Variants in ATR observed in about 807,000 individuals in gnomAD.
ATR encodes the protein serine/threonine-protein kinase ATR.
Under a neutral mutation model 305.3 loss-of-function variants are expected in ATR, and 142 were observed. The ratio of observed to expected loss-of-function variants is 0.47; its 90% CI spans 0.41 to 0.53. ATR has a LOEUF of 0.53. Among genes scored for constraint, ATR ranks in the 20% least tolerant of loss-of-function variants. ATR has a pLI of 0.00. For missense variants in ATR, 2,135 were observed against 3,133.1 expected (o/e 0.68, Z 7.60); for synonymous variants, 1,050 against 1,068.1 (o/e 0.98, Z 0.33).
intron 1 of ATR, among the ~76,000 whole-genome samples, chr3:142,569,053 TGAAGCCTG>T (rs2035173615): frequency 1.3e-5 from 2 of 152,174 alleles, no homozygotes; most frequent in Admixed American, 1.3e-4. Context: ...AGGAACAGCT[TGAAGCCTG>T]GAAGCCTGGC....
At chr3:142,500,955 G>C (rs974425729) in intron 30 of ATR, among the ~76,000 whole-genome samples, 1 of 152,094 alleles carries the variant, frequency 6.6e-6, no homozygotes, top group Non-Finnish European at 1.5e-5. Flanking sequence ...AAGACTTATA[G>C]CAAAAAGTAC....
chr3:142,555,583 A>G (rs906968397), intron 10 of ATR, among the ~76,000 whole-genome samples: 3 of 152,116 alleles, frequency 2.0e-5, no homozygotes, highest in Admixed American at 2.0e-4. Context: ...TGGTATCACT[A>G]AAGAAGATAA....
intron 36 of ATR, among the ~76,000 whole-genome samples, chr3:142,480,385 G>A (rs1488532711): frequency 1.3e-5 from 2 of 152,238 alleles, no homozygotes; most frequent in Admixed American, 6.5e-5. Context: ...ATCAGCAGCG[G>A]AGGCTGCAGA....
At chr3:142,507,787 A>G in intron 28 of ATR, 144 bp downstream of exon 28, 1 of 767,172 alleles carries the variant, frequency 1.3e-6, no homozygotes, top group Non-Finnish European at 2.1e-6. Context: ...TTAAAATATT[A>G]TACCAAATTG....
At chr3:142,517,260 G>A (rs1044141337) in intron 24 of ATR, among the ~76,000 whole-genome samples, 2 of 151,166 alleles carry the variant, frequency 1.3e-5, no homozygotes, top group African/African-American at 4.9e-5. Flanking sequence ...ATTTTGAACT[G>A]CAGTTGTTCT....
intron 24 of ATR, among the ~76,000 whole-genome samples, chr3:142,516,208 A>G (rs2032854548): frequency 6.6e-6 from 1 of 152,054 alleles, no homozygotes; most frequent in African/African-American, 2.4e-5. Flanking sequence ...GCCTCTTTCC[A>G]CAACCATCTT....
rs758671096 is a variant in ATR, at chr3:142,459,377, T to C, written c.7199A>G (p.Tyr2400Cys). 2 of 1,613,854 alleles carry C rather than the reference T, an allele frequency of 1.2e-6. No homozygotes were observed. The highest frequency in any genetic ancestry group is 1.7e-6 in the Non-Finnish European group (2 of 1,179,808). The change falls in exon 43 of 47, where the codon TAT becomes TGT. Residue 2400 changes from tyrosine (Y) to cysteine (C), a missense_variant. Around this residue, in one of 9 missense-constraint regions of ATR, gnomAD observed 462 missense variants for 887.6 expected, o/e 0.52. Transcript: ENST00000350721. ...LTKLYKEKGV[Y>C]MTGKELRQCM... ...CTGGCGAAGTTCTTTTCCTGTCATA[T>C]ACACTCCTGCAAGGAAGAGTGATAT... is the stretch of plus-strand genomic sequence containing the variant.
Position 142,492,067 on chromosome 3 carries a change from G to A in ATR, c.6078+1065C>T, listed in dbSNP as rs532259962. On this transcript the variant is annotated intron_variant, in intron 35 of 46. Coordinates refer to ENST00000350721, the MANE Select transcript of ATR (RefSeq NM_001184.4). ...ATTTTGTTGTCTTGCTTTAAAGAGTGTTAGGCTTTGATCTGGCAGGCAGTA... is the reference window on the plus strand; with the variant it reads ...ATTTTGTTGTCTTGCTTTAAAGAGTATTAGGCTTTGATCTGGCAGGCAGTA... 2.4e-4 allele frequency among the ~76,000 whole-genome samples: 36 copies of A among 152,280 alleles called. No individual in the cohort carries two copies. The South Asian group carries it at 6.4e-3, about 27-fold the overall frequency.
intron 46 of ATR, chr3:142,452,278 G>A (rs2070808823): frequency 1.0e-6 from 1 of 992,260 alleles, no homozygotes; most frequent in African/African-American, 1.7e-5. Flanking sequence ...CATATAGTTG[G>A]TATAATTCAT....
intron 17 of ATR, among the ~76,000 whole-genome samples, chr3:142,541,339 T>C (rs1366938058): frequency 6.6e-6 from 1 of 152,200 alleles, no homozygotes; most frequent in African/African-American, 2.4e-5. Flanking sequence ...ATAATGCATA[T>C]TGTTTAATTT....
At chr3:142,479,140 C>A (rs2030206666) in intron 36 of ATR, among the ~76,000 whole-genome samples, 1 of 151,994 alleles carries the variant, frequency 6.6e-6, no homozygotes, top group East Asian at 1.9e-4. Context: ...ATGATGTTAG[C>A]TGGTTATTTT....
At chr3:142,578,585 G>C (rs1364906804) in intron 1 of ATR, 61 bp downstream of exon 1, 8 of 1,561,430 alleles carry the variant, frequency 5.1e-6, no homozygotes, top group Non-Finnish European at 7.0e-6. Context: ...GGGAGAGCAC[G>C]TGAAACCCAA....
rs770470425 is a variant in ATR, at chr3:142,553,760, T to C, written c.2533-20A>G. The C allele has an allele frequency of 1.9e-6, 3 of 1,610,454 alleles. No individual in the cohort carries two copies. The highest frequency in any genetic ancestry group is 1.7e-6 in the Non-Finnish European group (2 of 1,176,870). On this transcript the variant is annotated intron_variant, in intron 11 of 46. Coordinates refer to ENST00000350721, the MANE Select transcript of ATR (RefSeq NM_001184.4). Reference sequence around the variant, plus strand: ...AAAAAGCTAGAACAATAAAATTAACTGGTTAAAGAAATTTTTAGAGCTAGG... The same window carrying C: ...AAAAAGCTAGAACAATAAAATTAACCGGTTAAAGAAATTTTTAGAGCTAGG...
At position 142,515,437 on chromosome 3, in the gene ATR, A is replaced by C; in HGVS notation, c.4461T>G (p.Phe1487Leu). ...PIYLSKLGSN[F>L]AEWSASWAGY... ...CTGCCCAAGATGCTGACCATTCTGC[A>C]AAGTTACTACCCAATTTACTTAAGT... The change falls in exon 25 of 47, where the codon TTT becomes TTG. Residue 1487 changes from phenylalanine (F) to leucine (L), a missense_variant. Physicochemically the swap from Phe to Leu is conservative, Grantham distance 22 (BLOSUM62 0). This residue lies in a region of ATR where 202 missense variants were observed against 252.9 expected (regional missense o/e 0.80). Coordinates refer to ENST00000350721, the MANE Select transcript of ATR (RefSeq NM_001184.4). 1 of 1,613,926 alleles carries C rather than the reference A, an allele frequency of 6.2e-7. No individual in the cohort carries two copies. Among genetic ancestry groups the C allele is most frequent in the Non-Finnish European group, 8.5e-7 (1 of 1,179,888 alleles).
At chr3:142,476,922 T>C (rs2071471827) in intron 36 of ATR, among the ~76,000 whole-genome samples, 1 of 152,202 alleles carries the variant, frequency 6.6e-6, no homozygotes, top group Admixed American at 6.5e-5. Context: ...TAAGTATGCT[T>C]GTGATTTTTG....
chr3:142,560,188 G>C, intron 6 of ATR, 75 bp downstream of exon 6: 4 of 1,425,584 alleles, frequency 2.8e-6, no homozygotes, highest in Non-Finnish European at 3.9e-6. Context: ...CATGAGTCAA[G>C]TGAATAATGA....
At position 142,471,815 on chromosome 3, in the gene ATR, T is replaced by C. The variant is rs192978097; in HGVS notation, c.6222-1632A>G. 5.1e-4 allele frequency among the ~76,000 whole-genome samples: 78 copies of C among 152,232 alleles called. No individual in the cohort carries two copies. The East Asian group carries it at 0.014, about 28-fold the overall frequency. The stretch of plus-strand genomic sequence containing the variant: ...TAACTATAGTGACCATGTTGTAGAG[T>C]AGATCTCTTTAACTTATTCCTTCTA... On this transcript the variant is annotated intron_variant, in intron 36 of 46. Coordinates refer to ENST00000350721, the MANE Select transcript of ATR (RefSeq NM_001184.4).
At chr3:142,553,574 G>C (rs2108463986) in intron 12 of ATR, 66 bp downstream of exon 12, 3 of 1,490,708 alleles carry the variant, frequency 2.0e-6, no homozygotes, top group Non-Finnish European at 2.8e-6. Flanking sequence ...ATTTTTAACA[G>C]CAAGCAAATA....
At chr3:142,503,115 G>A (rs1577584716) in intron 30 of ATR, among the ~76,000 whole-genome samples, 1 of 152,158 alleles carries the variant, frequency 6.6e-6, no homozygotes, top group Non-Finnish European at 1.5e-5. Context: ...CCAATAGCCA[G>A]TGGGTTCTAG....
Sources: gnomAD v4.1 joint callset for allele counts (sites outside exome capture counted in the v4.1 genomes callset) on GRCh38, gnomAD v4.1.1 for gene constraint, gnomAD v4.1.1 regional missense constraint, MANE v1.5 for transcripts, NCBI Gene and HGNC (gene_info 2026-07-23, HGNC 2026-07-21) for gene names.